PRKDC: variants seen among roughly 807,000 people sequenced by gnomAD.
PRKDC encodes the protein DNA-dependent protein kinase catalytic subunit.
Under a neutral mutation model 486.9 loss-of-function variants are expected in PRKDC, and 82 were observed. The ratio of observed to expected loss-of-function variants is 0.17; its 90% confidence interval spans 0.14 to 0.20. The LOEUF (loss-of-function observed/expected upper bound fraction) is 0.20, where lower values mean the gene tolerates loss of function less well. PRKDC is among the 10% of genes least tolerant of loss of function. The pLI is 1.00. For missense variants in PRKDC, 4,504 were observed against 5,038.2 expected, an observed-to-expected ratio of 0.89 and a Z score of 3.21; for synonymous variants, 1,895 against 1,837.0, an observed-to-expected ratio of 1.03 and a Z score of -0.81.
At chr8:47,873,180 A>C (rs555293446) in intron 40 of PRKDC, among the ~76,000 whole-genome samples, 1 of 148,582 alleles carries the variant, frequency 6.7e-6, no homozygotes, top group South Asian at 2.1e-4. Context: ...CAGCAATCTC[A>C]CTGTTAGGTA....
At chr8:47,845,662 T>C (rs2088247374) in intron 54 of PRKDC, among the ~76,000 whole-genome samples, 1 of 137,702 alleles carries the variant, frequency 7.3e-6, no homozygotes, top group East Asian at 2.1e-4. Context: ...CTAAATTAAA[T>C]CAATAATGAA....
intron 55 of PRKDC, among the ~76,000 whole-genome samples, chr8:47,839,809 CA>C (rs779668182): frequency 6.6e-6 from 1 of 152,074 alleles, no homozygotes; most frequent in African/African-American, 2.4e-5. Flanking sequence ...CCCGTCTCCA[CA>C]AAAAATAAAC....
chr8:47,863,899 T>C (rs2088738258), intron 41 of PRKDC, among the ~76,000 whole-genome samples: 1 of 152,228 alleles, frequency 6.6e-6, no homozygotes, highest in Non-Finnish European at 1.5e-5. Flanking sequence ...TTTTGAAGTC[T>C]GCATTAACAA....
rs1471809117 is a variant in PRKDC, at chr8:47,882,066, T to C, written c.4808A>G (p.Gln1603Arg). 2 of 1,613,906 alleles carry C rather than the reference T, an allele frequency of 1.2e-6. No individual in the cohort carries two copies. Among genetic ancestry groups the C allele is most frequent in the African/African-American group, 2.7e-5 (2 of 74,956 alleles). Residue 1603 changes from glutamine (Q) to arginine (R), a missense_variant, in exon 37 of 86, where the codon CAG (glutamine) becomes CGG (arginine). Physicochemically the swap from Gln to Arg is conservative, Grantham distance 43. Coordinates refer to ENST00000314191, the MANE Select transcript of PRKDC (RefSeq NM_006904.7). ...VSAVLNGMLD[Q>R]SFRERANQKH... is the part of the protein sequence containing the mutation. ...CTGGTTTGCTCGCTCCCTGAAGCTC[T>C]GGTCTAACATGCCGTTCAAAACGGC...
chr8:47,800,465 G>C (rs1414407927), intron 71 of PRKDC, among the ~76,000 whole-genome samples: 4 of 151,484 alleles, frequency 2.6e-5, no homozygotes, highest in Non-Finnish European at 5.9e-5. Flanking sequence ...TTGTGGGGTG[G>C]GGGGAAGGGG....
intron 26 of PRKDC, 53 bp downstream of exon 26, chr8:47,904,816 T>C (rs1328611507): frequency 4.5e-6 from 6 of 1,319,444 alleles, no homozygotes; most frequent in Non-Finnish European, 6.4e-6. Context: ...TAAACAAACA[T>C]CAAATACAAC....
intron 54 of PRKDC, 119 bp downstream of exon 54, chr8:47,849,035 C>T: frequency 7.6e-7 from 1 of 1,309,258 alleles, no homozygotes; most frequent in Non-Finnish European, 1.0e-6. Flanking sequence ...TCAGAGATTC[C>T]AACTTCACAA....
chr8:47,804,661 G>A (rs2087182318), intron 69 of PRKDC, among the ~76,000 whole-genome samples: 1 of 152,164 alleles, frequency 6.6e-6, no homozygotes, highest in African/African-American at 2.4e-5. Flanking sequence ...TAATGCTCCT[G>A]TGAACATTTG....
At position 47,953,688 on chromosome 8, in the gene PRKDC, G is replaced by A. The variant is rs2090660382; in HGVS notation, c.653C>T (p.Pro218Leu). 1 of 1,613,300 alleles carries A rather than the reference G, an allele frequency of 6.2e-7. No individual in the cohort carries two copies. The highest frequency in any genetic ancestry group is 1.7e-5 in the Admixed American group (1 of 59,924). The part of the protein sequence containing the change: ...MTSAVREPKL[P>L]VLAGCLKGLS... ...CCCCTTCAGACATCCTGCCAGAACA[G>A]GTAGTTTGGGCTCTCTTACTGCTGA... Residue 218 changes from proline (P) to leucine (L), a missense_variant, in exon 7 of 86, where the codon CCT becomes CTT. Pro to Leu is a moderately conservative substitution (Grantham distance 98). Transcript: ENST00000314191.
At chr8:47,837,694 G>C (rs529703987) in intron 56 of PRKDC, among the ~76,000 whole-genome samples, 1 of 151,488 alleles carries the variant, frequency 6.6e-6, no homozygotes, top group South Asian at 2.1e-4. Flanking sequence ...TATTCTCTGG[G>C]AAGTTTTCAA....
intron 68 of PRKDC, among the ~76,000 whole-genome samples, chr8:47,814,552 T>C (rs2087401744): frequency 6.6e-6 from 1 of 151,926 alleles, no homozygotes; most frequent in African/African-American, 2.4e-5. Context: ...AATTGGAAAA[T>C]AATACAATTT....
At chr8:47,937,858 G>GT (rs1488848906) in intron 11 of PRKDC, among the ~76,000 whole-genome samples, 2 of 152,220 alleles carry the variant, frequency 1.3e-5, no homozygotes, top group Non-Finnish European at 1.5e-5. Context: ...GCTTACAGCT[G>GT]TAAGTCCAGT....
intron 85 of PRKDC, among the ~76,000 whole-genome samples, chr8:47,775,363 C>CT (rs2086589820): frequency 2.1e-5 from 3 of 139,784 alleles, no homozygotes; most frequent in African/African-American, 8.4e-5. Flanking sequence ...GTCTTTTGAC[C>CT]ATTTTTTTTT....
In PRKDC at chr8:47,936,421, C is replaced by T; in HGVS notation, c.1210G>A (p.Asp404Asn). The T allele has an allele frequency of 6.2e-7, 1 of 1,614,014 alleles. No individual in the cohort carries two copies. The highest frequency in any genetic ancestry group is 8.5e-7 in the Non-Finnish European group (1 of 1,179,902). ...QMFLTQTDTG[D>N]DRVYQMPSFL... ...CTTGGCATCTGATAAACACGGTCGT[C>T]ACCAGTGTCTGTCTGGGTGAGGAAC... Residue 404 changes from aspartate to asparagine, a missense_variant, in exon 12 of 86, where the codon GAC (aspartate) becomes AAC (asparagine). Coordinates refer to ENST00000314191, the MANE Select transcript of PRKDC (RefSeq NM_006904.7).
At chr8:47,925,760 A>G (rs1056559839) in intron 21 of PRKDC, among the ~76,000 whole-genome samples, 1 of 152,266 alleles carries the variant, frequency 6.6e-6, no homozygotes, top group Non-Finnish European at 1.5e-5. Flanking sequence ...TCCCATGTAA[A>G]TATAAAAACA....
Position 47,875,516 on chromosome 8 carries a change from T to C in PRKDC, c.5363+2208A>G, listed in dbSNP as rs948822099. Among the ~76,000 whole-genome samples the C allele has an allele frequency of 5.9e-5, 9 of 152,350 alleles. 1 individual carries two copies. In the Middle Eastern group the frequency reaches 0.01, roughly 173 times the overall value. On this transcript the variant is annotated intron_variant, in intron 40 of 85. Coordinates refer to ENST00000314191, the MANE Select transcript of PRKDC (RefSeq NM_006904.7). Reference sequence around the variant, plus strand: ...AAGGTAAAAAGTTCAGATTACTAATTTAAATCTTTCCTATTTTCAAACACA... The same window carrying C: ...AAGGTAAAAAGTTCAGATTACTAATCTAAATCTTTCCTATTTTCAAACACA...
intron 60 of PRKDC, among the ~76,000 whole-genome samples, chr8:47,831,378 G>A (rs1019227872): frequency 6.6e-6 from 1 of 152,198 alleles, no homozygotes; most frequent in African/African-American, 2.4e-5. Context: ...GCATCCTAAT[G>A]ACCCATTTCT....
intron 54 of PRKDC, among the ~76,000 whole-genome samples, chr8:47,841,798 C>G (rs540936089): frequency 1.3e-5 from 2 of 152,210 alleles, no homozygotes; most frequent in Non-Finnish European, 2.9e-5. Flanking sequence ...AAACACCTAA[C>G]AGCCCAGTGA....
chr8:47,898,459 A>G lies in PRKDC; in HGVS notation c.3464+11T>C. On this transcript the variant is annotated intron_variant, in intron 29 of 85. Transcript: ENST00000314191. ...GTGGGAAAAGACGGAAAAGGAAGCA[A>G]GATCACCTACCGCGGCAAACGTCGT... The G allele has an allele frequency of 1.9e-6, 3 of 1,542,160 alleles. No individual in the cohort carries two copies. The highest frequency in any genetic ancestry group is 2.6e-6 in the Non-Finnish European group (3 of 1,137,258).
Sources: allele counts gnomAD v4.1 joint callset (sites outside exome capture counted in the v4.1 genomes callset), GRCh38; gene constraint gnomAD v4.1.1; transcripts MANE v1.5; gene names NCBI Gene and HGNC (gene_info 2026-07-23, HGNC 2026-07-21).